Variants in PRKAR1B observed in about 807,000 individuals in gnomAD.
The protein encoded by PRKAR1B is protein kinase cAMP-dependent type I regulatory subunit beta.
PRKAR1B carries 22 observed loss-of-function variants against 46.5 expected under a neutral mutation model. That is an observed-to-expected ratio of 0.47 (90% CI 0.34 to 0.68). The LOEUF (loss-of-function observed/expected upper bound fraction) is 0.68. Among genes scored for constraint, PRKAR1B ranks in the 30% least tolerant of loss-of-function variants. PRKAR1B has a pLI of 0.01. For synonymous variants in PRKAR1B, 259 were observed against 217.7 expected (o/e 1.19, Z -1.67); for missense variants, 445 against 535.6 (o/e 0.83, Z 1.67).
chr7:667,194 G>A lies in PRKAR1B; in HGVS notation c.440+10035C>T, dbSNP rs1354439612. On this transcript the variant is annotated intron_variant, in intron 4 of 10. Transcript: ENST00000537384. This position sits in a 1 kb window ranked among gnomAD's most constrained non-coding sequence, Gnocchi z 4.3. ...GATGACAGTGATGATGGTGATGGTG[G>A]GGATGGTGATGATGGTAATGGTGAT... Among the ~76,000 whole-genome samples, 1 of 151,964 alleles carries A rather than the reference G, an allele frequency of 6.6e-6. No homozygotes were observed. Among genetic ancestry groups the A allele is most frequent in the Non-Finnish European group, 1.5e-5 (1 of 67,992 alleles).
chr7:688,506 C>G (rs957119564), intron 2 of PRKAR1B, among the ~76,000 whole-genome samples: 8 of 152,336 alleles, frequency 5.3e-5, no homozygotes, highest in Admixed American at 4.6e-4. Context: ...TGTCAGCCAG[C>G]AAGGCCCTGC....
Position 550,167 on chromosome 7 carries a change from G to A in PRKAR1B, c.*263C>T. 2.2e-6 allele frequency: 1 copy of A among 462,856 alleles called. No individual in the cohort carries two copies. Among genetic ancestry groups the A allele is most frequent in the South Asian group, 2.2e-5 (1 of 45,172 alleles). The allele number at this position is 462,856 out of a possible 1,614,324, so 28.7% of individuals were successfully genotyped here. A position where few individuals can be genotyped will look rare whatever the true frequency, so the allele number is the denominator to read the frequency against. On this transcript the variant is annotated 3_prime_UTR_variant, in exon 11 of 11. Transcript: ENST00000537384. ...CCCCCAGGAGAAGCCCACAGAGGCA[G>A]CCGGGGAGGCGTGTGGGGAGGAAGC...
intron 3 of PRKAR1B, among the ~76,000 whole-genome samples, chr7:678,037 G>C (rs1442922326): frequency 6.6e-6 from 1 of 152,336 alleles, no homozygotes; most frequent in Middle Eastern, 3.4e-3. Context: ...TTGAGAGGCC[G>C]AGGCAGGCGG....
At chr7:727,501 CCCT>C, upstream of PRKAR1B, 1 of 312,320 alleles carries the variant, frequency 3.2e-6, no homozygotes, top group Non-Finnish European at 5.7e-6. Context: ...CCGCCCGGCC[CCCT>C]CCTCCCACCA....
intron 4 of PRKAR1B, among the ~76,000 whole-genome samples, chr7:620,042 T>G (rs1783033589): frequency 7.0e-6 from 1 of 143,246 alleles, no homozygotes; most frequent in African/African-American, 2.6e-5. Context: ...TTTTTAGAGA[T>G]GGGGTTTCTC....
intron 9 of PRKAR1B, among the ~76,000 whole-genome samples, chr7:566,480 T>A (rs1779156117): frequency 6.6e-6 from 1 of 151,928 alleles, no homozygotes; most frequent in Admixed American, 6.5e-5. Context: ...ACCATTGTCA[T>A]CATCATCACT....
At chr7:643,007 T>C (rs1004267735) in intron 4 of PRKAR1B, among the ~76,000 whole-genome samples, 3 of 151,476 alleles carry the variant, frequency 2.0e-5, no homozygotes, top group Non-Finnish European at 4.4e-5. Flanking sequence ...TTCACTGGGA[T>C]GTGGAGTAGT....
intron 4 of PRKAR1B, among the ~76,000 whole-genome samples, chr7:676,756 C>T (rs760142197): frequency 7.9e-5 from 12 of 152,240 alleles, no homozygotes; most frequent in East Asian, 3.8e-4. Flanking sequence ...GTCAGAGAAA[C>T]GGCAAAGCCT....
chr7:564,535 G>A (rs1308647010), intron 9 of PRKAR1B, among the ~76,000 whole-genome samples: 1 of 152,192 alleles, frequency 6.6e-6, no homozygotes, highest in Non-Finnish European at 1.5e-5. Context: ...CACACACTCA[G>A]GTCCCCGCCC....
chr7:656,557 T>G (rs902710763), intron 4 of PRKAR1B, among the ~76,000 whole-genome samples: 2 of 148,782 alleles, frequency 1.3e-5, no homozygotes, highest in African/African-American at 5.1e-5. Flanking sequence ...AGTGAGGGAA[T>G]GGATGGATGG....
rs1781097536 is a variant in PRKAR1B at position 593,418 on chromosome 7, C to A, written c.708+2728G>T. Among the ~76,000 whole-genome samples the A allele has an allele frequency of 1.3e-5, 2 of 152,182 alleles. No individual in the cohort carries two copies. The highest frequency in any genetic ancestry group is 1.3e-4 in the Admixed American group (2 of 15,286). ...TCCCGTCCAAACCAGCCCGGCGCGGCCAGCTATTCTTAGCGCACAGGGACC... is the reference window on the plus strand; with the variant it reads ...TCCCGTCCAAACCAGCCCGGCGCGGACAGCTATTCTTAGCGCACAGGGACC... On this transcript the variant is annotated intron_variant, in intron 7 of 10. Transcript: ENST00000537384. This position sits in a 1 kb window ranked among gnomAD's most constrained non-coding sequence, Gnocchi z 6.1.
intron 7 of PRKAR1B, among the ~76,000 whole-genome samples, chr7:590,386 A>T (rs1050343625): frequency 1.3e-5 from 2 of 152,204 alleles, no homozygotes; most frequent in South Asian, 2.1e-4. Context: ...AGCCACTGGA[A>T]TCCTGGCCTG....
chr7:679,766 A>T (rs934266111), intron 3 of PRKAR1B, among the ~76,000 whole-genome samples: 1 of 152,160 alleles, frequency 6.6e-6, no homozygotes, highest in African/African-American at 2.4e-5. Context: ...CTAACCAGCC[A>T]TGCTATGGTA....
Position 579,132 on chromosome 7 carries a change from C to T in PRKAR1B, c.891+124G>A, listed in dbSNP as rs375543278. On this transcript the variant is annotated intron_variant, in intron 9 of 10. Transcript: ENST00000537384. The stretch of plus-strand genomic sequence containing the variant: ...CCACCCCATGGAGGCCCCGGACGGG[C>T]GTGCGGTCACAGGGCAGCACTGACT... 20 of 1,573,112 alleles carry T rather than the reference C, an allele frequency of 1.3e-5. No homozygotes were observed. The East Asian group carries it at 1.3e-4, about 11-fold the overall frequency.
chr7:712,923 C>G (rs1217825991), intron 1 of PRKAR1B: 1 of 152,666 alleles, frequency 6.6e-6, no homozygotes, highest in African/African-American at 2.4e-5. Flanking sequence ...GGGTCTCACT[C>G]TGCCTTAGCG....
At chr7:709,738 G>A (rs944789315) in intron 2 of PRKAR1B, among the ~76,000 whole-genome samples, 4 of 152,042 alleles carry the variant, frequency 2.6e-5, no homozygotes, top group Non-Finnish European at 5.9e-5. Context: ...TGTGATCATG[G>A]TTCACCACAG....
rs146127734 is a variant in PRKAR1B, at chr7:661,174, C to T, written c.440+16055G>A. Among the ~76,000 whole-genome samples, 311 of 100,522 alleles carry T rather than the reference C, an allele frequency of 3.1e-3. 27 individuals are homozygous for T. Among genetic ancestry groups the T allele is most frequent in the Middle Eastern group, 0.026 (4 of 154 alleles). The allele number at this position is 100,522 out of a possible 152,430, so 65.9% of individuals were successfully genotyped here. ...TACTCTGCCCCCCATGGCACAGGTC[C>T]CCACCCCAACGGGTCCAAATACTTA... On this transcript the variant is annotated intron_variant, in intron 4 of 10. Coordinates refer to ENST00000537384, the MANE Select transcript of PRKAR1B (RefSeq NM_001164760.2).
intron 3 of PRKAR1B, 144 bp downstream of exon 3, chr7:680,412 T>A (rs1265908664): frequency 3.6e-6 from 3 of 835,016 alleles, no homozygotes; most frequent in Non-Finnish European, 5.3e-6. Context: ...GCCTCTGCCA[T>A]CACCCACATA....
chr7:616,529 C>T (rs1322978024), intron 4 of PRKAR1B, among the ~76,000 whole-genome samples: 5 of 152,374 alleles, frequency 3.3e-5, no homozygotes, highest in African/African-American at 1.2e-4. Context: ...CCAAGCTAGG[C>T]AGGCCTGGCT....
Sources: allele counts gnomAD v4.1 joint callset (sites outside exome capture counted in the v4.1 genomes callset), GRCh38; gene constraint gnomAD v4.1.1; non-coding constraint Gnocchi (gnomAD v3.1); transcripts MANE v1.5; gene names NCBI Gene and HGNC (gene_info 2026-07-23, HGNC 2026-07-21).